The following PLA2G4A variants were observed in gnomAD, a reference collection of about 807,000 sequenced individuals.
PLA2G4A encodes the protein cytosolic phospholipase A2.
PLA2G4A carries 40 observed loss-of-function variants against 81.9 expected under a neutral mutation model. That is an observed-to-expected ratio of 0.49 (90% CI 0.38 to 0.64). The LOEUF is 0.64. Ranked by LOEUF, PLA2G4A falls within the 30% of genes least tolerant of loss-of-function variation. PLA2G4A has a pLI of 0.00. For missense variants in PLA2G4A, 715 were observed against 905.1 expected (o/e 0.79, Z 2.69); for synonymous variants, 302 against 296.9 (o/e 1.02, Z -0.18).
intron 5 of PLA2G4A, among the ~76,000 whole-genome samples, chr1:186,897,766 C>T (rs1654387878): frequency 1.3e-5 from 2 of 152,188 alleles, no homozygotes; most frequent in African/African-American, 4.8e-5. Context: ...GCCTCAGCCT[C>T]CCAAAGTGCT....
At chr1:186,960,200 T>C (rs1320494499) in intron 14 of PLA2G4A, among the ~76,000 whole-genome samples, 1 of 152,192 alleles carries the variant, frequency 6.6e-6, no homozygotes, top group Non-Finnish European at 1.5e-5. Flanking sequence ...ATGACTTCTT[T>C]CCTGTTTACT....
At chr1:186,831,026 TTCTTTCTTAC>T (rs1281299243) in intron 1 of PLA2G4A, among the ~76,000 whole-genome samples, 1 of 151,360 alleles carries the variant, frequency 6.6e-6, no homozygotes, top group Non-Finnish European at 1.5e-5. Context: ...TTCTTTTTCT[TTCTTTCTTAC>T]TTTTTCTTTC....
intron 1 of PLA2G4A, among the ~76,000 whole-genome samples, chr1:186,835,245 C>T (rs779850851): frequency 2.6e-5 from 4 of 152,042 alleles, no homozygotes; most frequent in Non-Finnish European, 4.4e-5. Context: ...GATGTTCACC[C>T]CTTATGGAAA....
At chr1:186,843,412 T>C (rs549268306) in intron 1 of PLA2G4A, among the ~76,000 whole-genome samples, 1 of 152,220 alleles carries the variant, frequency 6.6e-6, no homozygotes, top group Admixed American at 6.5e-5. Flanking sequence ...CAGTACATCA[T>C]GCAAATCCCC....
intron 2 of PLA2G4A, among the ~76,000 whole-genome samples, chr1:186,862,345 G>T (rs1441337015): frequency 6.6e-6 from 1 of 151,770 alleles, no homozygotes; most frequent in Non-Finnish European, 1.5e-5. Context: ...CTCCCAAGTA[G>T]CTGGGATTAC....
intron 5 of PLA2G4A, among the ~76,000 whole-genome samples, chr1:186,901,064 C>T (rs1323869165): frequency 1.3e-5 from 2 of 152,026 alleles, no homozygotes; most frequent in Non-Finnish European, 2.9e-5. Context: ...TGGAAAATCA[C>T]GTATTGATGT....
chr1:186,856,008 A>G (rs1314338077), intron 2 of PLA2G4A, among the ~76,000 whole-genome samples: 3 of 151,950 alleles, frequency 2.0e-5, no homozygotes, highest in Non-Finnish European at 4.4e-5. Flanking sequence ...CTGTCTAGTT[A>G]TAGTTCTTTG....
chr1:186,843,732 G>A (rs1017962583), intron 1 of PLA2G4A, among the ~76,000 whole-genome samples: 1 of 152,172 alleles, frequency 6.6e-6, no homozygotes, highest in African/African-American at 2.4e-5. Flanking sequence ...AGCCTGAGGA[G>A]GATGGAGTAT....
At chr1:186,939,728 A>G (rs1656082281) in intron 9 of PLA2G4A, among the ~76,000 whole-genome samples, 1 of 152,164 alleles carries the variant, frequency 6.6e-6, no homozygotes, top group Admixed American at 6.6e-5. Context: ...CAGGCTCCAC[A>G]GTTGCTAATT....
At chr1:186,928,131 G>A (rs1254035849) in intron 7 of PLA2G4A, among the ~76,000 whole-genome samples, 3 of 152,096 alleles carry the variant, frequency 2.0e-5, no homozygotes, top group African/African-American at 7.2e-5. Context: ...GAATAAAACA[G>A]AGCTGGAAAC....
chr1:186,914,444 G>T (rs1305553347), intron 7 of PLA2G4A, among the ~76,000 whole-genome samples: 3 of 149,000 alleles, frequency 2.0e-5, no homozygotes, highest in African/African-American at 7.5e-5. Flanking sequence ...GTTTGGCCGG[G>T]AGCATCGGCA....
In PLA2G4A at chr1:186,977,760, C is replaced by A; in HGVS notation, c.1932C>A (p.Asn644Lys). 6.2e-7 allele frequency: 1 copy of A among 1,613,004 alleles called. No individual in the cohort carries two copies. The highest frequency in any genetic ancestry group is 8.5e-7 in the Non-Finnish European group (1 of 1,178,986). Residue 644 changes from asparagine to lysine, a missense_variant, in exon 16 of 18, where the codon AAC becomes AAA. Asn to Lys is a moderately conservative substitution (Grantham distance 94). Coordinates refer to ENST00000367466, the MANE Select transcript of PLA2G4A (RefSeq NM_024420.3). ...CCATCATCCACTTTGTTCTGGCCAA[C>A]ATCAACTTCAGAAAGTACAGGGCTC... ...CPTIIHFVLA[N>K]INFRKYRAPG...
Position 186,894,103 on chromosome 1 carries a change from G to A in PLA2G4A, c.270G>A (p.Thr90=), listed in dbSNP as rs771993069. 8.7e-6 allele frequency: 11 copies of A among 1,257,920 alleles called. No homozygotes were observed. The highest frequency in any genetic ancestry group is 4.6e-5 in the East Asian group (2 of 43,162). 77.9% of individuals were successfully genotyped at this position (1,257,920 alleles called of 1,614,324 possible). Residue 90 remains threonine (T), a synonymous_variant, in exon 5 of 18, where the codon ACG becomes ACA. Transcript: ENST00000367466. ...DPNQENVLEI[T]LMDANYVMDE... is the part of the protein sequence containing the mutation. ...CTTTACATTTTACTCTGTAGATTAC[G>A]TTAATGGATGCCAATTATGTCATGG...
At chr1:186,863,693 G>A (rs1366522933) in intron 2 of PLA2G4A, among the ~76,000 whole-genome samples, 7 of 151,596 alleles carry the variant, frequency 4.6e-5, no homozygotes, top group African/African-American at 9.7e-5. Flanking sequence ...TACTTCTATG[G>A]CATCAACTTC....
intron 3 of PLA2G4A, among the ~76,000 whole-genome samples, chr1:186,890,368 A>T (rs1023910914): frequency 1.3e-5 from 2 of 152,162 alleles, no homozygotes; most frequent in African/African-American, 4.8e-5. Flanking sequence ...GTGCTGTAAG[A>T]CATTAAAGGA....
At chr1:186,960,492 G>A (rs950671500) in intron 14 of PLA2G4A, among the ~76,000 whole-genome samples, 2 of 152,072 alleles carry the variant, frequency 1.3e-5, no homozygotes, top group Non-Finnish European at 2.9e-5. Context: ...CTTCCATAAC[G>A]GCATTTATCC....
chr1:186,946,231 T>C (rs1656341585), intron 10 of PLA2G4A, among the ~76,000 whole-genome samples: 1 of 152,154 alleles, frequency 6.6e-6, no homozygotes, highest in Admixed American at 6.6e-5. Flanking sequence ...TTAGAAAACA[T>C]TTTATTTCAT....
chr1:186,888,016 T>C (rs1459862102), intron 3 of PLA2G4A, among the ~76,000 whole-genome samples: 1 of 152,162 alleles, frequency 6.6e-6, no homozygotes, highest in African/African-American at 2.4e-5. Flanking sequence ...GTTTTGGTAG[T>C]TTTCCACTGT....
intron 7 of PLA2G4A, among the ~76,000 whole-genome samples, chr1:186,919,082 C>T (rs1655252773): frequency 1.3e-5 from 2 of 152,218 alleles, no homozygotes; most frequent in Non-Finnish European, 2.9e-5. Context: ...GTGTAAAGGG[C>T]TTTGTCAAAT....
Sources: gnomAD v4.1 joint callset for allele counts (sites outside exome capture counted in the v4.1 genomes callset) on GRCh38, gnomAD v4.1.1 for gene constraint, MANE v1.5 for transcripts, NCBI Gene and HGNC (gene_info 2026-07-23, HGNC 2026-07-21) for gene names.